HMGB1: variants seen among roughly 807,000 people sequenced by gnomAD.
The protein encoded by HMGB1 is high mobility group protein B1.
For synonymous variants in HMGB1, 81 were observed against 84.0 expected (o/e 0.96, Z 0.19); for missense variants, 79 against 253.5 (o/e 0.31, Z 4.67).
intron 1 of HMGB1, among the ~76,000 whole-genome samples, chr13:30,615,855 G>A (rs1289431492): frequency 6.6e-6 from 1 of 152,092 alleles, no homozygotes; most frequent in Non-Finnish European, 1.5e-5. Context: ...GCAGCTGTTC[G>A]TTAGTTATTA....
intron 1 of HMGB1, among the ~76,000 whole-genome samples, chr13:30,608,800 T>C (rs1248272208): frequency 6.6e-6 from 1 of 152,204 alleles, no homozygotes; most frequent in Non-Finnish European, 1.5e-5. Flanking sequence ...AAACTTAATT[T>C]CAATCTTCAT....
chr13:30,548,239 T>C (rs1869257360), intron 1 of HMGB1, among the ~76,000 whole-genome samples: 1 of 152,142 alleles, frequency 6.6e-6, no homozygotes, highest in Non-Finnish European at 1.5e-5. Flanking sequence ...TGAATTCTCA[T>C]GAGATCTGAC....
chr13:30,555,258 G>T (rs1488138064), intron 1 of HMGB1, among the ~76,000 whole-genome samples: 1 of 151,952 alleles, frequency 6.6e-6, no homozygotes, highest in Non-Finnish European at 1.5e-5. Context: ...CGCCAGGATG[G>T]TCTCGATCTC....
chr13:30,579,393 T>G (rs557792890), intron 1 of HMGB1, among the ~76,000 whole-genome samples: 1 of 152,326 alleles, frequency 6.6e-6, no homozygotes, highest in East Asian at 1.9e-4. Flanking sequence ...GCATGTTCCA[T>G]TGTAGAACGT....
At chr13:30,560,678 C>T (rs937433588) in intron 1 of HMGB1, among the ~76,000 whole-genome samples, 2 of 152,124 alleles carry the variant, frequency 1.3e-5, no homozygotes, top group African/African-American at 4.8e-5. Flanking sequence ...GAGGTAGGAG[C>T]ATATTTCCTA....
At chr13:30,614,682 T>G (rs1487416903) in intron 1 of HMGB1, among the ~76,000 whole-genome samples, 1 of 152,116 alleles carries the variant, frequency 6.6e-6, no homozygotes, top group Non-Finnish European at 1.5e-5. Context: ...TGGGCTACAT[T>G]ACGAGTTGTC....
At chr13:30,514,730 T>G (rs181545276) in intron 1 of HMGB1, among the ~76,000 whole-genome samples, 4 of 152,284 alleles carry the variant, frequency 2.6e-5, no homozygotes, top group African/African-American at 7.2e-5. Context: ...CTCAAACTCC[T>G]GGGCTCAAGC....
chr13:30,591,085 C>T (rs889255240), intron 1 of HMGB1, among the ~76,000 whole-genome samples: 4 of 138,738 alleles, frequency 2.9e-5, no homozygotes, highest in Non-Finnish European at 6.0e-5. Flanking sequence ...GGCTGGAGTG[C>T]AATGGCATGA....
At chr13:30,530,180 G>C (rs1888462961) in intron 1 of HMGB1, among the ~76,000 whole-genome samples, 1 of 152,104 alleles carries the variant, frequency 6.6e-6, no homozygotes, top group African/African-American at 2.4e-5. Flanking sequence ...TAAAACACCT[G>C]ACTTCTTGTG....
intron 1 of HMGB1, among the ~76,000 whole-genome samples, chr13:30,509,869 G>C (rs1342586435): frequency 6.6e-6 from 1 of 152,138 alleles, no homozygotes; most frequent in Non-Finnish European, 1.5e-5. Context: ...GAATTGTTAA[G>C]TATCTTAACC....
At chr13:30,579,472 G>T (rs190574254) in intron 1 of HMGB1, among the ~76,000 whole-genome samples, 1 of 152,248 alleles carries the variant, frequency 6.6e-6, no homozygotes, top group East Asian at 1.9e-4. Context: ...TATTATTTTC[G>T]TAATAACCTC....
At chr13:30,468,569 TA>T (rs1340737793), upstream of HMGB1, among the ~76,000 whole-genome samples, 1 of 152,158 alleles carries the variant, frequency 6.6e-6, no homozygotes, top group Non-Finnish European at 1.5e-5. Context: ...TTGTTTTTTT[TA>T]AATCCTAACC....
At chr13:30,534,710 T>C (rs1005090950) in intron 1 of HMGB1, among the ~76,000 whole-genome samples, 5 of 150,668 alleles carry the variant, frequency 3.3e-5, no homozygotes, top group Non-Finnish European at 5.9e-5. Context: ...CCCGAGCAGC[T>C]GGGATTATGG....
chr13:30,584,478 C>T (rs1385000040), intron 1 of HMGB1, among the ~76,000 whole-genome samples: 1 of 152,160 alleles, frequency 6.6e-6, no homozygotes, highest in African/African-American at 2.4e-5. Flanking sequence ...GTGCTTGTTG[C>T]CTTTCCCCAA....
chr13:30,536,569 C>G (rs1049536146), intron 1 of HMGB1, among the ~76,000 whole-genome samples: 2 of 152,084 alleles, frequency 1.3e-5, no homozygotes, highest in Non-Finnish European at 2.9e-5. Flanking sequence ...AGGCTGGTCT[C>G]GAACTCCTGA....
intron 1 of HMGB1, among the ~76,000 whole-genome samples, chr13:30,465,444 G>A (rs1195871418): frequency 6.9e-6 from 1 of 145,312 alleles, no homozygotes; most frequent in Non-Finnish European, 1.5e-5. Flanking sequence ...CGCGCACGCC[G>A]CCCGCCCGAA....
At chr13:30,556,143 G>A (rs1042268121) in intron 1 of HMGB1, among the ~76,000 whole-genome samples, 3 of 152,188 alleles carry the variant, frequency 2.0e-5, no homozygotes, top group African/African-American at 4.8e-5. Flanking sequence ...GGTGGCTCAC[G>A]CCTGTAATCC....
At chr13:30,512,830 T>A (rs1393374633) in intron 1 of HMGB1, among the ~76,000 whole-genome samples, 1 of 152,144 alleles carries the variant, frequency 6.6e-6, no homozygotes, top group Non-Finnish European at 1.5e-5. Context: ...TTTGAGCCAG[T>A]CTCCTGCATC....
At chr13:30,477,431 CTGAT>C (rs1422877715) in intron 1 of HMGB1, among the ~76,000 whole-genome samples, 1 of 152,110 alleles carries the variant, frequency 6.6e-6, no homozygotes, top group Admixed American at 6.6e-5. Flanking sequence ...GGTGCTGAGG[CTGAT>C]TGAATAGGAC....
Sources: allele counts gnomAD v4.1 joint callset (sites outside exome capture counted in the v4.1 genomes callset), GRCh38; gene constraint gnomAD v4.1.1; transcripts MANE v1.5; gene names NCBI Gene and HGNC (gene_info 2026-07-23, HGNC 2026-07-21).